The following DAB1 variants were observed in gnomAD, a reference collection of about 807,000 sequenced individuals.
DAB1 encodes the protein DAB adaptor protein 1.
In DAB1, 15 loss-of-function variants were observed where a neutral mutation model predicts 64.6. The observed-to-expected ratio is 0.23, with a 90% CI of 0.16 to 0.36. The LOEUF (loss-of-function observed/expected upper bound fraction) is 0.36, where lower values mean the gene tolerates loss of function less well. Ranked by LOEUF, DAB1 falls within the 10% of genes least tolerant of loss-of-function variation. The pLI is 1.00. For synonymous variants in DAB1, 235 were observed against 251.9 expected (o/e 0.93, Z 0.64); for missense variants, 596 against 706.7 (o/e 0.84, Z 1.78).
At chr1:57,314,766 C>A (rs564936384) in intron 1 of DAB1, among the ~76,000 whole-genome samples, 1 of 149,614 alleles carries the variant, frequency 6.7e-6, no homozygotes, top group South Asian at 2.1e-4. Context: ...AAAAAAAACA[C>A]AAAACACACA....
chr1:57,707,715 T>C (rs1438431120), intron 6 of DAB1, among the ~76,000 whole-genome samples: 1 of 152,226 alleles, frequency 6.6e-6, no homozygotes, highest in Admixed American at 6.5e-5. Context: ...TTTATTCCAG[T>C]CTGTACAGAC....
At chr1:58,119,676 G>T (rs76078764) in intron 5 of DAB1, among the ~76,000 whole-genome samples, 3,494 of 152,278 alleles carry the variant, frequency 0.023, 116 homozygotes, top group South Asian at 0.1. Context: ...AGCTGGAGCA[G>T]AGAAATAGCC....
Position 58,300,644 on chromosome 1 carries a change from G to GAA in DAB1, n.309+42707_309+42708insTT, listed in dbSNP as rs1557726311. 3.7e-4 allele frequency among the ~76,000 whole-genome samples: 22 copies of GAA among 59,336 alleles called. 1 individual carries two copies. Among genetic ancestry groups the GAA allele is most frequent in the Admixed American group, 6.6e-4 (4 of 6,020 alleles). The allele number at this position is 59,336 out of a possible 152,430, so 38.9% of individuals were successfully genotyped here. On this transcript the variant is annotated intron_variant and non_coding_transcript_variant, in intron 4 of 20. Transcript: ENST00000485760. Reference sequence around the variant, plus strand: ...AGAGAGAGAGAGAGAGAGAGAGAGAGAGAGGAAGGAAGGAAGGAAGGAAGG... The same window carrying GAA: ...AGAGAGAGAGAGAGAGAGAGAGAGAGAAAGAGGAAGGAAGGAAGGAAGGAAGG...
chr1:57,181,038 G>T lies in DAB1; in HGVS notation c.68-35609C>A, dbSNP rs539614571. 5.3e-5 allele frequency among the ~76,000 whole-genome samples: 8 copies of T among 152,298 alleles called. No homozygotes were observed. In the South Asian group the frequency reaches 1.7e-3, roughly 32 times the overall value. The stretch of plus-strand genomic sequence containing the variant: ...CTAATAGCTACCATCATGTGTGTGG[G>T]CATCTTTATCTCTGTCCGCTGCTCA... On this transcript the variant is annotated intron_variant, in intron 2 of 14. Transcript: ENST00000371236.
At chr1:58,164,888 G>A (rs559517491) in intron 4 of DAB1, among the ~76,000 whole-genome samples, 38 of 152,264 alleles carry the variant, frequency 2.5e-4, no homozygotes, top group African/African-American at 8.9e-4. Context: ...TAGAATAGGG[G>A]TTAGGTCTGG....
chr1:57,766,806 G>T (rs184412808), intron 6 of DAB1, among the ~76,000 whole-genome samples: 2 of 152,226 alleles, frequency 1.3e-5, no homozygotes, highest in East Asian at 3.9e-4. Context: ...GGGTCCCTAG[G>T]CAACACGCTC....
chr1:57,114,035 T>A lies in DAB1; in HGVS notation c.306+22508A>T, dbSNP rs185553444. 2.1e-3 allele frequency among the ~76,000 whole-genome samples: 326 copies of A among 152,352 alleles called. 2 individuals are homozygous for A. Among genetic ancestry groups the A allele is most frequent in the Admixed American group, 8.4e-3 (128 of 15,302 alleles). On this transcript the variant is annotated intron_variant, in intron 4 of 14. Coordinates refer to ENST00000371236, the MANE Select transcript of DAB1 (RefSeq NM_001365792.1). ...AAGTCACTGTATGAATTAGTTTCTATGGAAACTGACCTGGTCTCCCTGCCT... is the reference window on the plus strand; with the variant it reads ...AAGTCACTGTATGAATTAGTTTCTAAGGAAACTGACCTGGTCTCCCTGCCT...
intron 6 of DAB1, among the ~76,000 whole-genome samples, chr1:57,730,651 T>C (rs142127209): frequency 1.3e-5 from 2 of 152,312 alleles, no homozygotes; most frequent in East Asian, 1.9e-4. Flanking sequence ...TCTTTACTTC[T>C]CACATGAGGC....
intron 7 of DAB1, among the ~76,000 whole-genome samples, chr1:57,461,613 C>T (rs564913544): frequency 6.6e-6 from 1 of 152,286 alleles, no homozygotes; most frequent in Admixed American, 6.5e-5. Flanking sequence ...TGTGTGTTTG[C>T]CCAGGCTGCG....
chr1:57,632,944 T>C lies in DAB1; in HGVS notation n.625+16648A>G, dbSNP rs1182849710. On this transcript the variant is annotated intron_variant and non_coding_transcript_variant, in intron 7 of 20. Coordinates refer to the DAB1 transcript ENST00000485760. Reference sequence around the variant, plus strand: ...CTAGATTAAACAGTAGTTCTTATTATGCTGTATTAGATAAGACCAAAGATA... The same window carrying C: ...CTAGATTAAACAGTAGTTCTTATTACGCTGTATTAGATAAGACCAAAGATA... 2.0e-5 allele frequency among the ~76,000 whole-genome samples: 3 copies of C among 152,220 alleles called. No homozygotes were observed. The South Asian group carries it at 6.2e-4, about 32-fold the overall frequency.
chr1:58,289,862 A>G (rs2100448727), intron 4 of DAB1, among the ~76,000 whole-genome samples: 1 of 152,332 alleles, frequency 6.6e-6, no homozygotes, highest in African/African-American at 2.4e-5. Flanking sequence ...TACCCAAAAG[A>G]TGGCCCACAG....
intron 6 of DAB1, among the ~76,000 whole-genome samples, chr1:57,699,799 G>C (rs1646886858): frequency 3.3e-5 from 5 of 152,122 alleles, no homozygotes; most frequent in Admixed American, 2.6e-4. Context: ...TGTAGTCCCA[G>C]CTACTTGGGA....
chr1:57,662,004 G>A (rs1646392339), intron 6 of DAB1, among the ~76,000 whole-genome samples: 1 of 151,960 alleles, frequency 6.6e-6, no homozygotes, highest in Non-Finnish European at 1.5e-5. Flanking sequence ...ATATCCTGAG[G>A]TCTGGAGATC....
intron 1 of DAB1, among the ~76,000 whole-genome samples, chr1:57,418,913 A>C (rs1684693875): frequency 6.6e-6 from 1 of 152,210 alleles, no homozygotes; most frequent in African/African-American, 2.4e-5. Flanking sequence ...TGTCAAAGAA[A>C]AAGAAATCTG....
intron 4 of DAB1, among the ~76,000 whole-genome samples, chr1:58,154,982 G>A (rs1007674123): frequency 9.2e-5 from 14 of 152,188 alleles, no homozygotes; most frequent in African/African-American, 3.4e-4. Flanking sequence ...AAGAAACCTA[G>A]AGACTTAGAG....
chr1:57,910,055 A>G (rs1410042254), intron 5 of DAB1, among the ~76,000 whole-genome samples: 1 of 152,232 alleles, frequency 6.6e-6, no homozygotes, highest in Non-Finnish European at 1.5e-5. Context: ...CCCATTAATT[A>G]ACTGTTTAAC....
intron 4 of DAB1, among the ~76,000 whole-genome samples, chr1:57,113,925 C>T (rs1243069721): frequency 6.6e-6 from 1 of 152,152 alleles, no homozygotes; most frequent in Non-Finnish European, 1.5e-5. Flanking sequence ...AGAAGGATGA[C>T]CAAATAATTC....
intron 7 of DAB1, among the ~76,000 whole-genome samples, chr1:57,540,772 T>C (rs1326537947): frequency 1.3e-5 from 2 of 152,142 alleles, no homozygotes; most frequent in African/African-American, 4.8e-5. Context: ...GCTGATCTCA[T>C]GGAGGTAGAA....
At chr1:57,543,923 AT>A (rs964224506) in intron 7 of DAB1, among the ~76,000 whole-genome samples, 7 of 152,170 alleles carry the variant, frequency 4.6e-5, no homozygotes, top group Non-Finnish European at 8.8e-5. Context: ...CCTGGGCAAC[AT>A]AGCAAGACCC....
Sources: allele counts gnomAD v4.1 joint callset (sites outside exome capture counted in the v4.1 genomes callset), GRCh38; gene constraint gnomAD v4.1.1; transcripts MANE v1.5; gene names NCBI Gene and HGNC (gene_info 2026-07-23, HGNC 2026-07-21).